Variants in RAPGEF1 observed in about 807,000 individuals in gnomAD.
RAPGEF1 encodes the protein Rap guanine nucleotide exchange factor 1, also known as CRK SH3-binding GNRP.
Under a neutral mutation model 143.3 loss-of-function variants are expected in RAPGEF1, and 33 were observed. That is an observed-to-expected ratio of 0.23 (90% CI 0.17 to 0.31). The LOEUF (loss-of-function observed/expected upper bound fraction) is 0.31. Ranked by LOEUF, RAPGEF1 falls within the 10% of genes least tolerant of loss-of-function variation. The probability of loss-of-function intolerance (pLI) is 1.00; values close to 1 mark genes in which losing one functional copy is unlikely to be tolerated. For missense variants in RAPGEF1, 1,199 were observed against 1,645.4 expected, an observed-to-expected ratio of 0.73 and a Z score of 4.69; for synonymous variants, 629 against 676.5, an observed-to-expected ratio of 0.93 and a Z score of 1.09.
At chr9:131,687,345 C>T (rs1833433287) in intron 1 of RAPGEF1, among the ~76,000 whole-genome samples, 1 of 152,164 alleles carries the variant, frequency 6.6e-6, no homozygotes, top group Non-Finnish European at 1.5e-5. Flanking sequence ...CGTGCACCAC[C>T]ACCCCTGGAT....
intron 10 of RAPGEF1, among the ~76,000 whole-genome samples, chr9:131,624,048 G>C (rs1172941588): frequency 1.3e-5 from 2 of 152,168 alleles, no homozygotes; most frequent in Non-Finnish European, 2.9e-5. Context: ...CTGCACAGGG[G>C]TCAATACTGT....
chr9:131,717,472 TATC>T (rs1347788316), intron 1 of RAPGEF1, among the ~76,000 whole-genome samples: 2 of 151,854 alleles, frequency 1.3e-5, no homozygotes, highest in East Asian at 1.9e-4. Context: ...TGAGGGAAAA[TATC>T]ATAAAAAAGA....
At chr9:131,688,366 A>G (rs1833519742) in intron 1 of RAPGEF1, among the ~76,000 whole-genome samples, 1 of 152,256 alleles carries the variant, frequency 6.6e-6, no homozygotes, top group Non-Finnish European at 1.5e-5. Flanking sequence ...CATAAACCAA[A>G]TAAACAGCAA....
At chr9:131,644,487 A>T (rs1168395365) in intron 3 of RAPGEF1, among the ~76,000 whole-genome samples, 2 of 152,182 alleles carry the variant, frequency 1.3e-5, no homozygotes, top group Non-Finnish European at 2.9e-5. Context: ...GTGCAAATTA[A>T]GAGGGGTGTG....
chr9:131,618,962 GGCA>G (rs1162750826), intron 12 of RAPGEF1, 86 bp downstream of exon 12: 8 of 1,177,078 alleles, frequency 6.8e-6, no homozygotes, highest in Non-Finnish European at 9.1e-6. Flanking sequence ...GGCCGCGACG[GGCA>G]GCAGAACACA....
chr9:131,736,445 C>T (rs1837420182), intron 1 of RAPGEF1, among the ~76,000 whole-genome samples: 2 of 152,166 alleles, frequency 1.3e-5, no homozygotes, highest in Non-Finnish European at 2.9e-5. Context: ...GCACTTGGGA[C>T]CCCCAAATGT....
chr9:131,665,380 A>C (rs2130627902), intron 1 of RAPGEF1, among the ~76,000 whole-genome samples: 1 of 152,168 alleles, frequency 6.6e-6, no homozygotes, highest in African/African-American at 2.4e-5. Flanking sequence ...GTTCTACCTT[A>C]ATGGTACATT....
intron 1 of RAPGEF1, among the ~76,000 whole-genome samples, chr9:131,671,679 G>T (rs1313620100): frequency 1.3e-5 from 2 of 152,208 alleles, no homozygotes; most frequent in Non-Finnish European, 2.9e-5. Flanking sequence ...AAAAGTTCAT[G>T]AATGGAGGCC....
At chr9:131,615,498 C>T (rs1356450900) in intron 12 of RAPGEF1, among the ~76,000 whole-genome samples, 1 of 152,170 alleles carries the variant, frequency 6.6e-6, no homozygotes, top group East Asian at 1.9e-4. Context: ...TGGAGGGACT[C>T]CCTGGGACCA....
chr9:131,627,821 T>C (rs1230159442), intron 9 of RAPGEF1, 92 bp downstream of exon 9: 11 of 1,348,252 alleles, frequency 8.2e-6, no homozygotes, highest in Non-Finnish European at 1.1e-5. Context: ...ACGTAGTCAA[T>C]GATTGCATGA....
chr9:131,688,429 G>C (rs1833527326), intron 1 of RAPGEF1, among the ~76,000 whole-genome samples: 1 of 152,156 alleles, frequency 6.6e-6, no homozygotes, highest in Non-Finnish European at 1.5e-5. Flanking sequence ...ATTAACATAA[G>C]CCAGGAACCT....
At chr9:131,687,176 A>T (rs1441046350) in intron 1 of RAPGEF1, among the ~76,000 whole-genome samples, 1 of 152,130 alleles carries the variant, frequency 6.6e-6, no homozygotes, top group Non-Finnish European at 1.5e-5. Context: ...AATAACTTGC[A>T]TACAGTTTTT....
intron 1 of RAPGEF1, among the ~76,000 whole-genome samples, chr9:131,684,189 A>G (rs1833147180): frequency 6.6e-6 from 1 of 152,210 alleles, no homozygotes; most frequent in African/African-American, 2.4e-5. Flanking sequence ...ACTGGAACCT[A>G]ACTGTCTTTG....
intron 17 of RAPGEF1, 69 bp from the exon 18 acceptor site, chr9:131,592,252 A>G: frequency 3.1e-6 from 4 of 1,274,260 alleles, no homozygotes; most frequent in Non-Finnish European, 4.6e-6. Flanking sequence ...GCCAGGGTGG[A>G]TTTGAGTCCT....
intron 1 of RAPGEF1, among the ~76,000 whole-genome samples, chr9:131,654,626 C>T (rs1971982676): frequency 6.6e-6 from 1 of 152,142 alleles, no homozygotes; most frequent in East Asian, 1.9e-4. Context: ...TGCTTGAGCC[C>T]AGGAGTTAGA....
At position 131,642,682 on chromosome 9, in the gene RAPGEF1, G is replaced by A. The variant is rs565372724; in HGVS notation, c.494+557C>T. On this transcript the variant is annotated intron_variant, in intron 4 of 26. Coordinates refer to ENST00000683357, the MANE Select transcript of RAPGEF1 (RefSeq NM_001377935.1). ...TCTCTCTCCCAGCTTGTGCTTCTTCGCCTCCCTGTGCAGCCTCCAGGCTGC... is the reference window on the plus strand; with the variant it reads ...TCTCTCTCCCAGCTTGTGCTTCTTCACCTCCCTGTGCAGCCTCCAGGCTGC... Among the ~76,000 whole-genome samples the A allele has an allele frequency of 1.3e-3, 193 of 152,186 alleles. 1 individual carries two copies. Among genetic ancestry groups the A allele is most frequent in the African/African-American group, 4.2e-3 (176 of 41,510 alleles).
chr9:131,688,522 A>G lies in RAPGEF1; in HGVS notation c.62-37573T>C, dbSNP rs903866810. On this transcript the variant is annotated intron_variant, in intron 1 of 26. Coordinates refer to ENST00000683357, the MANE Select transcript of RAPGEF1 (RefSeq NM_001377935.1). ...CTGGCACTCAGCTGGCTACTTTGAA[A>G]CTCTGTAAGAAATTTACATCTATAA... Among the ~76,000 whole-genome samples the G allele has an allele frequency of 4.6e-5, 7 of 151,948 alleles. 1 individual carries two copies. The highest frequency in any genetic ancestry group is 4.6e-4 in the Admixed American group (7 of 15,230).
intron 1 of RAPGEF1, among the ~76,000 whole-genome samples, chr9:131,706,484 G>A (rs1239890027): frequency 2.6e-5 from 4 of 151,722 alleles, no homozygotes; most frequent in Non-Finnish European, 5.9e-5. Flanking sequence ...GGTTGGTCTT[G>A]GTTTCGAACT....
At position 131,739,777 on chromosome 9, in the gene RAPGEF1, C is replaced by A; in HGVS notation, c.54G>T (p.Glu18Asp). The A allele has an allele frequency of 8.5e-7, 1 of 1,176,472 alleles. No homozygotes were observed. Among genetic ancestry groups the A allele is most frequent in the African/African-American group, 1.6e-5 (1 of 60,840 alleles). 72.9% of individuals were successfully genotyped at this position (1,176,472 alleles called of 1,614,324 possible). ...CCCACGCCCGCGCCTCACCTGCTTT[C>A]TCGATCTTGCCGGACATTTCCGGGC... The part of the protein sequence containing the change: ...RRSPEMSGKI[E>D]KADSQRSHLS... Residue 18 changes from glutamate (E) to aspartate (D), a missense_variant, in exon 1 of 27, where the codon GAG (glutamate) becomes GAT (aspartate). By Grantham distance (45) the Glu-to-Asp change is conservative. Coordinates refer to ENST00000683357, the MANE Select transcript of RAPGEF1 (RefSeq NM_001377935.1).
Sources: gnomAD v4.1 joint callset for allele counts (sites outside exome capture counted in the v4.1 genomes callset) on GRCh38, gnomAD v4.1.1 for gene constraint, MANE v1.5 for transcripts, NCBI Gene and HGNC (gene_info 2026-07-23, HGNC 2026-07-21) for gene names.